ERAP1: variants seen among roughly 807,000 people sequenced by gnomAD.
ERAP1 encodes adipocyte-derived leucine aminopeptidase.
ERAP1 carries 86 observed loss-of-function variants against 103.7 expected under a neutral mutation model. The ratio of observed to expected loss-of-function variants is 0.83; its 90% CI spans 0.70 to 0.99. ERAP1 has a LOEUF of 0.99. Among genes scored for constraint, ERAP1 ranks in the 50% least tolerant of loss-of-function variants. ERAP1 has a pLI of 0.00. For synonymous variants in ERAP1, 398 were observed against 402.4 expected (o/e 0.99, Z 0.13); for missense variants, 1,009 against 1,128.4 (o/e 0.89, Z 1.52).
the ERAP1 span, among the ~76,000 whole-genome samples, chr5:96,920,365 T>C: frequency 6.6e-6 from 1 of 151,868 alleles, no homozygotes; most frequent in Admixed American, 6.6e-5. Context: ...CCTATATCAG[T>C]ACATGCTACT....
the ERAP1 span, among the ~76,000 whole-genome samples, chr5:96,894,044 T>C: frequency 6.6e-6 from 1 of 152,212 alleles, no homozygotes; most frequent in Admixed American, 6.5e-5. Flanking sequence ...GGCAAAGACA[T>C]TGATCTTAGC....
the ERAP1 span, among the ~76,000 whole-genome samples, chr5:96,831,983 GA>G: frequency 6.6e-6 from 1 of 152,162 alleles, no homozygotes; most frequent in Admixed American, 6.5e-5. Context: ...AAAGTAATTA[GA>G]ACTTTTTATT....
the ERAP1 span, among the ~76,000 whole-genome samples, chr5:96,828,861 T>A: frequency 6.6e-6 from 1 of 152,140 alleles, no homozygotes. Context: ...TTTTATTATT[T>A]TTTTGAGATG....
the ERAP1 span, among the ~76,000 whole-genome samples, chr5:96,884,416 C>G: frequency 6.6e-6 from 1 of 152,198 alleles, no homozygotes; most frequent in Non-Finnish European, 1.5e-5. Flanking sequence ...TGGCAAGGAC[C>G]TCAGGGACCC....
At chr5:96,766,232 CCTT>C in intron 19 of ERAP1, 1 of 760,904 alleles carries the variant, frequency 1.3e-6, no homozygotes, top group Non-Finnish European at 2.3e-6. Flanking sequence ...TAGCTATACT[CCTT>C]TACAATAGCA....
the ERAP1 span, chr5:96,902,143 T>C: frequency 1.7e-6 from 1 of 596,292 alleles, no homozygotes; most frequent in South Asian, 2.4e-5. Flanking sequence ...ATAAAATTTA[T>C]AAGACCACTT....
At chr5:96,762,085 A>G (rs1768157102) in exon 20 of ERAP1, 1 of 413,076 alleles carries the variant, frequency 2.4e-6, no homozygotes, top group African/African-American at 2.1e-5. Context: ...GAAATAGCAA[A>G]TTGTATAAAA....
rs1050907835 is a variant in ERAP1, at chr5:96,774,599, G to A, written c.*1797C>T. 2 of 985,342 alleles carry A rather than the reference G, an allele frequency of 2.0e-6. No individual in the cohort carries two copies. The highest frequency in any genetic ancestry group is 1.2e-6 in the Non-Finnish European group (1 of 829,852). 61.0% of individuals were successfully genotyped at this position (985,342 alleles called of 1,614,324 possible). Reference sequence around the variant, plus strand: ...AAAGCAAACAAAGATAGGTTCCTCAGGTGACCAAAACTGAAAATCAATATT... The same window carrying A: ...AAAGCAAACAAAGATAGGTTCCTCAAGTGACCAAAACTGAAAATCAATATT... On this transcript the variant is annotated 3_prime_UTR_variant, in exon 19 of 19. Transcript: ENST00000443439.
At chr5:96,872,038 T>C in the ERAP1 span, among the ~76,000 whole-genome samples, 2 of 152,202 alleles carry the variant, frequency 1.3e-5, no homozygotes, top group African/African-American at 4.8e-5. Context: ...TTAAAAATTT[T>C]AAGCCCATAA....
At chr5:96,845,510 T>G in the ERAP1 span, among the ~76,000 whole-genome samples, 1 of 152,168 alleles carries the variant, frequency 6.6e-6, no homozygotes, top group Non-Finnish European at 1.5e-5. Context: ...GCTGGAATTA[T>G]AGGTGGGGAT....
chr5:96,836,618 A>G, the ERAP1 span, among the ~76,000 whole-genome samples: 1 of 152,268 alleles, frequency 6.6e-6, no homozygotes, highest in Non-Finnish European at 1.5e-5. Context: ...GAGTTCAAAT[A>G]ATTGAGTGAC....
chr5:96,762,402 A>G, exon 20 of ERAP1: 1 of 1,496,746 alleles, frequency 6.7e-7, no homozygotes, highest in Non-Finnish European at 9.0e-7. Context: ...TGGGAGATAA[A>G]TGTTTTTGCG....
chr5:96,815,418 T>A, the ERAP1 span, among the ~76,000 whole-genome samples: 2 of 148,224 alleles, frequency 1.3e-5, no homozygotes, highest in East Asian at 3.9e-4. Context: ...TTTTTTATTT[T>A]TTTTTTTTTT....
the ERAP1 span, chr5:96,919,655 T>C: frequency 6.6e-6 from 1 of 152,232 alleles, no homozygotes; most frequent in East Asian, 1.9e-4. Flanking sequence ...AATATGAGAA[T>C]TACTGTGCCA....
chr5:96,823,707 C>A, the ERAP1 span, among the ~76,000 whole-genome samples: 2 of 152,186 alleles, frequency 1.3e-5, no homozygotes, highest in Non-Finnish European at 2.9e-5. Context: ...GCATGAATTT[C>A]TTTTTCCTTC....
intron 19 of ERAP1, among the ~76,000 whole-genome samples, chr5:96,765,771 A>T (rs1769712466): frequency 6.6e-6 from 1 of 152,132 alleles, no homozygotes; most frequent in African/African-American, 2.4e-5. Flanking sequence ...ATCTCCTAAC[A>T]TGGTTTCTGA....
the ERAP1 span, among the ~76,000 whole-genome samples, chr5:96,818,908 T>G: frequency 6.7e-5 from 10 of 149,802 alleles, no homozygotes; most frequent in East Asian, 1.9e-4. Flanking sequence ...ATTTATTTAT[T>G]TATTTATTTA....
chr5:96,822,582 A>G, the ERAP1 span, among the ~76,000 whole-genome samples: 1,557 of 152,262 alleles, frequency 0.01, 23 homozygotes, highest in African/African-American at 0.036. Flanking sequence ...GGTAGCCTGT[A>G]AAATATTTCT....
chr5:96,891,666 T>G, the ERAP1 span, among the ~76,000 whole-genome samples: 10 of 152,002 alleles, frequency 6.6e-5, no homozygotes, highest in South Asian at 2.1e-3. Flanking sequence ...CCACAACACT[T>G]TCTTAAGAAG....
Sources: gnomAD v4.1 joint callset for allele counts (sites outside exome capture counted in the v4.1 genomes callset) on GRCh38, gnomAD v4.1.1 for gene constraint, MANE v1.5 for transcripts, NCBI Gene and HGNC (gene_info 2026-07-23, HGNC 2026-07-21) for gene names.